Variants in MARK1 observed in about 807,000 individuals in gnomAD.
MARK1 encodes microtubule affinity regulating kinase 1.
MARK1 carries 40 observed loss-of-function variants against 96.3 expected under a neutral mutation model. The observed-to-expected ratio is 0.42, with a 90% CI of 0.32 to 0.54. The LOEUF is 0.54. Ranked by LOEUF, MARK1 falls within the 20% of genes least tolerant of loss-of-function variation. The pLI is 0.16. For synonymous variants in MARK1, 317 were observed against 341.2 expected (o/e 0.93, Z 0.78); for missense variants, 719 against 984.6 (o/e 0.73, Z 3.61).
chr1:220,565,096 G>A (rs892224250), intron 1 of MARK1, among the ~76,000 whole-genome samples: 5 of 152,098 alleles, frequency 3.3e-5, no homozygotes, highest in African/African-American at 1.2e-4. Context: ...TTATATTTCA[G>A]TAAGGTATTG....
chr1:220,595,273 A>T (rs993638832), intron 3 of MARK1, among the ~76,000 whole-genome samples: 1 of 152,238 alleles, frequency 6.6e-6, no homozygotes, highest in East Asian at 1.9e-4. Flanking sequence ...TGGTTCACAT[A>T]CCTGAGTAAG....
intron 6 of MARK1, among the ~76,000 whole-genome samples, chr1:220,608,261 C>T (rs577601140): frequency 4.0e-4 from 61 of 152,248 alleles, no homozygotes; most frequent in African/African-American, 1.2e-3. Context: ...AGAGATTCAA[C>T]GTACTCCTCG....
At chr1:220,573,397 C>T in intron 1 of MARK1, among the ~76,000 whole-genome samples, 1 of 152,084 alleles carries the variant, frequency 6.6e-6, no homozygotes. Flanking sequence ...GATCTTGGCT[C>T]ACTGCAAGCT....
chr1:220,607,389 G>A (rs889796371), intron 6 of MARK1, among the ~76,000 whole-genome samples: 12 of 152,140 alleles, frequency 7.9e-5, no homozygotes, highest in Non-Finnish European at 1.6e-4. Flanking sequence ...CTGATACTTT[G>A]CTGAAGTTGC....
At chr1:220,637,474 G>A (rs1198792405) in intron 13 of MARK1, among the ~76,000 whole-genome samples, 1 of 152,114 alleles carries the variant, frequency 6.6e-6, no homozygotes, top group Non-Finnish European at 1.5e-5. Context: ...GAGGTCAGGG[G>A]TTTGAGACCA....
At chr1:220,603,901 A>T (rs1259418524) in intron 5 of MARK1, among the ~76,000 whole-genome samples, 166 bp from the exon 6 acceptor site, 1 of 152,000 alleles carries the variant, frequency 6.6e-6, no homozygotes, top group Non-Finnish European at 1.5e-5. Flanking sequence ...TTTATATGTA[A>T]TTTTTTCCTT....
intron 1 of MARK1, 129 bp from the exon 2 acceptor site, chr1:220,579,225 A>G (rs1358317921): frequency 3.0e-6 from 2 of 667,968 alleles, no homozygotes; most frequent in African/African-American, 3.7e-5. Flanking sequence ...AGAATGCTCA[A>G]ACTTTAAAAG....
intron 17 of MARK1, among the ~76,000 whole-genome samples, chr1:220,660,430 A>G (rs1669412565): frequency 1.3e-5 from 2 of 152,242 alleles, no homozygotes; most frequent in South Asian, 2.1e-4. Flanking sequence ...GAAATGAAGT[A>G]GATAATATAT....
At chr1:220,550,440 C>A (rs1661782789) in intron 1 of MARK1, among the ~76,000 whole-genome samples, 1 of 152,068 alleles carries the variant, frequency 6.6e-6, no homozygotes, top group Admixed American at 6.5e-5. Flanking sequence ...GCAGTCTAAA[C>A]CTCCCATGTT....
chr1:220,639,084 A>C (rs1167563190), intron 13 of MARK1, among the ~76,000 whole-genome samples: 3 of 152,066 alleles, frequency 2.0e-5, no homozygotes, highest in Admixed American at 6.6e-5. Flanking sequence ...TTTCTACAAA[A>C]TATTTTAAAA....
At chr1:220,595,388 G>T (rs1241304835) in intron 3 of MARK1, among the ~76,000 whole-genome samples, 2 of 152,174 alleles carry the variant, frequency 1.3e-5, no homozygotes, top group Non-Finnish European at 2.9e-5. Context: ...AAACCTGTTA[G>T]CCCTGTTTGG....
intron 3 of MARK1, among the ~76,000 whole-genome samples, chr1:220,590,411 T>A (rs1170086493): frequency 6.6e-6 from 1 of 152,142 alleles, no homozygotes; most frequent in Non-Finnish European, 1.5e-5. Context: ...TCCTGAGTTC[T>A]CTCTCCTTGG....
intron 3 of MARK1, among the ~76,000 whole-genome samples, chr1:220,592,487 A>G (rs1238007430): frequency 6.6e-6 from 1 of 151,912 alleles, no homozygotes; most frequent in African/African-American, 2.4e-5. Flanking sequence ...TCAGAAGTAG[A>G]TTCCTCCCTA....
chr1:220,634,204 C>T (rs991227962), intron 11 of MARK1, among the ~76,000 whole-genome samples: 1 of 152,168 alleles, frequency 6.6e-6, no homozygotes, highest in East Asian at 1.9e-4. Flanking sequence ...TTTTAAAGTA[C>T]ACTCCCGAAG....
intron 5 of MARK1, among the ~76,000 whole-genome samples, chr1:220,601,813 G>T (rs1051968648): frequency 3.9e-4 from 59 of 152,166 alleles, no homozygotes; most frequent in Admixed American, 2.4e-3. Context: ...GAGTATGTAA[G>T]GCCTTCACCA....
intron 3 of MARK1, 130 bp downstream of exon 3, chr1:220,581,248 A>G: frequency 2.8e-6 from 1 of 361,886 alleles, no homozygotes; most frequent in Non-Finnish European, 5.2e-6. Context: ...AAGAAAAGAC[A>G]TAATATAAAA....
At chr1:220,547,149 T>G (rs1661558572) in intron 1 of MARK1, among the ~76,000 whole-genome samples, 1 of 152,190 alleles carries the variant, frequency 6.6e-6, no homozygotes, top group Non-Finnish European at 1.5e-5. Context: ...TTGGGTACTT[T>G]TTTCTGCAGA....
chr1:220,562,296 C>G (rs1662721277), intron 1 of MARK1, among the ~76,000 whole-genome samples: 1 of 151,986 alleles, frequency 6.6e-6, no homozygotes. Flanking sequence ...GAAACCCCAT[C>G]TATACTAAAA....
intron 13 of MARK1, 131 bp downstream of exon 13, chr1:220,636,157 A>G: frequency 1.6e-6 from 1 of 623,352 alleles, no homozygotes; most frequent in Non-Finnish European, 2.6e-6. Context: ...AGAACATGCA[A>G]AAGGGACCAC....
Sources: gnomAD v4.1 joint callset for allele counts (sites outside exome capture counted in the v4.1 genomes callset) on GRCh38, gnomAD v4.1.1 for gene constraint, MANE v1.5 for transcripts, NCBI Gene and HGNC (gene_info 2026-07-23, HGNC 2026-07-21) for gene names.